Variants in TIPARP observed in about 807,000 individuals in gnomAD.
The protein encoded by TIPARP is protein mono-ADP-ribosyltransferase TIPARP.
TIPARP carries 12 observed loss-of-function variants against 56.5 expected under a neutral mutation model. The observed-to-expected ratio is 0.21, with a 90% CI of 0.14 to 0.34. The LOEUF is 0.34. Among genes scored for constraint, TIPARP ranks in the 10% least tolerant of loss-of-function variants. TIPARP has a pLI of 1.00. For missense variants in TIPARP, 604 were observed against 781.6 expected (o/e 0.77, Z 2.71); for synonymous variants, 296 against 265.7 (o/e 1.11, Z -1.11).
chr3:156,697,574 T>A (rs1722746749), intron 4 of TIPARP, among the ~76,000 whole-genome samples: 2 of 152,212 alleles, frequency 1.3e-5, no homozygotes, highest in Non-Finnish European at 2.9e-5. Context: ...ACTTCACAGA[T>A]AATTGTGTTT....
intron 1 of TIPARP, among the ~76,000 whole-genome samples, chr3:156,675,965 T>C (rs1011464002): frequency 2.0e-5 from 3 of 152,172 alleles, no homozygotes; most frequent in Non-Finnish European, 2.9e-5. Flanking sequence ...AGGGCAATAA[T>C]AGGAAAAGTT....
Position 156,706,599 on chromosome 3 carries a change from CT to C in TIPARP, c.*1470del, listed in dbSNP as rs1722989441. 1 of 152,636 alleles carries C rather than the reference CT, an allele frequency of 6.6e-6. No homozygotes were observed. Among genetic ancestry groups the C allele is most frequent in the African/African-American group, 2.4e-5 (1 of 41,450 alleles). The allele number at this position is 152,636 out of a possible 1,614,324, so 9.5% of individuals were successfully genotyped here. On this transcript the variant is annotated 3_prime_UTR_variant, in exon 6 of 6. Coordinates refer to ENST00000295924, the MANE Select transcript of TIPARP (RefSeq NM_015508.5). The stretch of plus-strand genomic sequence containing the variant: ...TTACAGTTCTTTCATTCAATTATAA[CT>C]TGTAAACCAGTGACTCCTAATCTTT...
At position 156,703,602 on chromosome 3, in the gene TIPARP, A is replaced by C; in HGVS notation, c.1426A>C (p.Ile476Leu). 6.2e-7 allele frequency: 1 copy of C among 1,614,232 alleles called. No homozygotes were observed. The highest frequency in any genetic ancestry group is 8.5e-7 in the Non-Finnish European group (1 of 1,180,042). ...PVSAEDKSYR[I>L]IYNLFHKTVP... Reference sequence around the variant, plus strand: ...TTCTGCAGAGGATAAAAGTTATCGGATCATTTACAATCTTTTTCATAAGAC... The same window carrying C: ...TTCTGCAGAGGATAAAAGTTATCGGCTCATTTACAATCTTTTTCATAAGAC... Residue 476 changes from isoleucine to leucine, a missense_variant, in exon 5 of 6, where the codon ATC (isoleucine) becomes CTC (leucine). Transcript: ENST00000295924.
intron 4 of TIPARP, among the ~76,000 whole-genome samples, chr3:156,701,625 GATT>G (rs1434962641): frequency 6.6e-6 from 1 of 152,154 alleles, no homozygotes; most frequent in African/African-American, 2.4e-5. Flanking sequence ...TTGAGAATCT[GATT>G]AAAGCAGTCA....
At chr3:156,695,825 C>CTTTTT in intron 3 of TIPARP, 40 bp from the exon 4 acceptor site, 1 of 712,676 alleles carries the variant, frequency 1.4e-6, no homozygotes, top group Non-Finnish European at 1.9e-6. Context: ...TATTAACTTT[C>CTTTTT]CTTTTTTTTT....
rs921270574 is a variant in TIPARP, at chr3:156,706,160, A to C, written c.*1029A>C. On this transcript the variant is annotated 3_prime_UTR_variant, in exon 6 of 6. Transcript: ENST00000295924. ...GGTTCCCTGGCTGACTCTGTACCTTACTTACACTACTTACTTAATAGAAAC... is the reference window on the plus strand; with the variant it reads ...GGTTCCCTGGCTGACTCTGTACCTTCCTTACACTACTTACTTAATAGAAAC... 4 of 152,598 alleles carry C rather than the reference A, an allele frequency of 2.6e-5. No individual in the cohort carries two copies. Among genetic ancestry groups the C allele is most frequent in the Admixed American group, 1.3e-4 (2 of 15,282 alleles). 9.5% of individuals were successfully genotyped at this position (152,598 alleles called of 1,614,324 possible). A position where few individuals can be genotyped will look rare whatever the true frequency, so the allele number is the denominator to read the frequency against.
At chr3:156,676,999 G>A (rs879455603) in intron 1 of TIPARP, among the ~76,000 whole-genome samples, 5 of 152,010 alleles carry the variant, frequency 3.3e-5, no homozygotes, top group Non-Finnish European at 5.9e-5. Context: ...CATCAGAAGC[G>A]GTAATGTTTT....
chr3:156,695,503 C>T (rs980625625), intron 3 of TIPARP, among the ~76,000 whole-genome samples: 9 of 151,966 alleles, frequency 5.9e-5, no homozygotes, highest in African/African-American at 1.2e-4. Flanking sequence ...GGCTCACAGG[C>T]GTGAGCCACT....
At chr3:156,687,673 GAATATACAATTAAAA>G (rs1461206750) in intron 2 of TIPARP, among the ~76,000 whole-genome samples, 5 of 152,122 alleles carry the variant, frequency 3.3e-5, no homozygotes, top group African/African-American at 4.8e-5. Context: ...TGCTTTTGGA[GAATATACAATTAAAA>G]AGCTTAAAAA....
intron 2 of TIPARP, among the ~76,000 whole-genome samples, chr3:156,682,336 T>C (rs1409319523): frequency 2.0e-5 from 3 of 152,182 alleles, no homozygotes; most frequent in African/African-American, 4.8e-5. Context: ...ACAGGGTTTT[T>C]TTCTTTTGGG....
chr3:156,688,584 A>G (rs1349442586), intron 2 of TIPARP, among the ~76,000 whole-genome samples: 1 of 151,904 alleles, frequency 6.6e-6, no homozygotes, highest in African/African-American at 2.4e-5. Flanking sequence ...TCTAAAGAAG[A>G]AAGTTACGAA....
At chr3:156,692,404 A>G (rs1161995815) in intron 2 of TIPARP, among the ~76,000 whole-genome samples, 1 of 152,000 alleles carries the variant, frequency 6.6e-6, no homozygotes, top group Non-Finnish European at 1.5e-5. Context: ...ACATTTTTCT[A>G]TTTGAATTAA....
At chr3:156,675,400 AG>A (rs1722095614) in intron 1 of TIPARP, 1 of 152,108 alleles carries the variant, frequency 6.6e-6, no homozygotes, top group Non-Finnish European at 1.5e-5. Context: ...AGGTGAGCTG[AG>A]GGGGTAAAGA....
chr3:156,682,906 G>T lies in TIPARP; in HGVS notation c.917+4292G>T, dbSNP rs545360307. ...GTGCTTTAGGATAAAGCAATCCAATGAATTATTTTTTGTACTTCTTTATGC... is the reference window on the plus strand; with the variant it reads ...GTGCTTTAGGATAAAGCAATCCAATTAATTATTTTTTGTACTTCTTTATGC... On this transcript the variant is annotated intron_variant, in intron 2 of 5. Coordinates refer to ENST00000295924, the MANE Select transcript of TIPARP (RefSeq NM_015508.5). 5.3e-5 allele frequency among the ~76,000 whole-genome samples: 8 copies of T among 152,152 alleles called. No individual in the cohort carries two copies. The East Asian group carries it at 1.3e-3, about 26-fold the overall frequency.
intron 5 of TIPARP, 37 bp from the exon 6 acceptor site, chr3:156,704,647 T>C (rs1177723375): frequency 6.3e-7 from 1 of 1,580,486 alleles, no homozygotes; most frequent in Admixed American, 1.7e-5. Flanking sequence ...GACCTGTATT[T>C]CATCCTTCTG....
intron 2 of TIPARP, among the ~76,000 whole-genome samples, chr3:156,693,516 G>A (rs1027401088): frequency 3.9e-5 from 6 of 152,006 alleles, no homozygotes; most frequent in Admixed American, 6.6e-5. Flanking sequence ...ATTAATACTG[G>A]CTTTATCCGG....
rs1722907227 is a variant in TIPARP at position 156,703,717 on chromosome 3, T to C, written c.1526+15T>C. On this transcript the variant is annotated intron_variant, in intron 5 of 5. Transcript: ENST00000295924. Reference sequence around the variant, plus strand: ...AAATATAAAAGGTGAGTCAGATGTATGAAAAGTTCAAGACGGCCGGGCGCA... The same window carrying C: ...AAATATAAAAGGTGAGTCAGATGTACGAAAAGTTCAAGACGGCCGGGCGCA... 3.1e-6 allele frequency: 5 copies of C among 1,601,532 alleles called. No individual in the cohort carries two copies. Among genetic ancestry groups the C allele is most frequent in the Non-Finnish European group, 4.2e-6 (5 of 1,176,968 alleles).
At chr3:156,689,426 C>G (rs1319236443) in intron 2 of TIPARP, among the ~76,000 whole-genome samples, 1 of 152,198 alleles carries the variant, frequency 6.6e-6, no homozygotes, top group Non-Finnish European at 1.5e-5. Flanking sequence ...CATGGCTGTT[C>G]ATAGAATAAT....
In TIPARP at chr3:156,696,353, C is replaced by G. The variant is rs774434348; in HGVS notation, c.1247+328C>G. ...TTTTTTCCTTCCATGAAACTACTTTCAAGATGAGACCCTTCTATGTTACAG... is the reference window on the plus strand; with the variant it reads ...TTTTTTCCTTCCATGAAACTACTTTGAAGATGAGACCCTTCTATGTTACAG... On this transcript the variant is annotated intron_variant, in intron 4 of 5. Transcript: ENST00000295924. 9.9e-4 allele frequency among the ~76,000 whole-genome samples: 150 copies of G among 152,118 alleles called. 1 individual carries two copies. The highest frequency in any genetic ancestry group is 2.0e-3 in the Non-Finnish European group (134 of 68,018).
Sources: allele counts gnomAD v4.1 joint callset (sites outside exome capture counted in the v4.1 genomes callset), GRCh38; gene constraint gnomAD v4.1.1; transcripts MANE v1.5; gene names NCBI Gene and HGNC (gene_info 2026-07-23, HGNC 2026-07-21).